Variants in PCDHGA5 observed in about 807,000 individuals in gnomAD.
PCDHGA5 encodes protocadherin gamma subfamily A, 5, also known as protocadherin gamma-A5.
Under a neutral mutation model 56.7 loss-of-function variants are expected in PCDHGA5, and 36 were observed. That is an observed-to-expected ratio of 0.64 (90% CI 0.49 to 0.84). The LOEUF (loss-of-function observed/expected upper bound fraction) is 0.84, where lower values mean the gene tolerates loss of function less well. PCDHGA5 is among the 40% of genes least tolerant of loss of function. The probability of loss-of-function intolerance (pLI) is 0.00; values close to 1 mark genes in which losing one functional copy is unlikely to be tolerated. For synonymous variants in PCDHGA5, 563 were observed against 520.2 expected, an observed-to-expected ratio of 1.08 and a Z score of -1.12; for missense variants, 1,305 against 1,201.5, an observed-to-expected ratio of 1.09 and a Z score of -1.27.
At chr5:141,488,062 T>C (rs1488970442) in intron 1 of PCDHGA5, among the ~76,000 whole-genome samples, 1 of 152,152 alleles carries the variant, frequency 6.6e-6, no homozygotes, top group Non-Finnish European at 1.5e-5. Flanking sequence ...AAATAAAATC[T>C]TTGTCTCCCA....
chr5:141,434,789 T>C (rs2097718008), intron 1 of PCDHGA5, among the ~76,000 whole-genome samples: 1 of 152,008 alleles, frequency 6.6e-6, no homozygotes, highest in African/African-American at 2.4e-5. Context: ...AAAAAATTTT[T>C]TTTTCTGAGC....
intron 1 of PCDHGA5, among the ~76,000 whole-genome samples, chr5:141,381,312 A>G (rs1365514844): frequency 1.3e-5 from 2 of 152,240 alleles, no homozygotes; most frequent in African/African-American, 4.8e-5. Flanking sequence ...ATTCTCTTTT[A>G]TTCTGCAACT....
intron 1 of PCDHGA5, chr5:141,389,176 C>G (rs775758481): frequency 6.2e-7 from 1 of 1,614,064 alleles, no homozygotes; most frequent in South Asian, 1.1e-5. Flanking sequence ...CCTCCCCTCT[C>G]CTCCAGTTCC....
At chr5:141,375,934 C>T in intron 1 of PCDHGA5, 3 of 1,613,738 alleles carry the variant, frequency 1.9e-6, no homozygotes, top group Non-Finnish European at 2.5e-6. Context: ...CAGGACTTTT[C>T]TCAGTGGGCC....
intron 1 of PCDHGA5, chr5:141,371,956 A>G (rs1410520873): frequency 6.2e-7 from 1 of 1,613,272 alleles, no homozygotes; most frequent in South Asian, 1.1e-5. Context: ...CGAGCCTTCG[A>G]CCACGAGCAG....
At chr5:141,394,783 C>A in intron 1 of PCDHGA5, 7 of 1,613,732 alleles carry the variant, frequency 4.3e-6, no homozygotes, top group Non-Finnish European at 5.9e-6. Flanking sequence ...CTCTCCGCCA[C>A]TGTCACGCTC....
Position 141,366,570 on chromosome 5 carries a change from G to A in PCDHGA5, c.2240G>A (p.Arg747Gln), listed in dbSNP as rs373636717. Reference protein sequence around the residue: ...ASHFVGVDGVRAFLQTYSHEV... With the variant: ...ASHFVGVDGVQAFLQTYSHEV... ...CACTTTGTGGGCGTGGATGGGGTTC[G>A]GGCTTTCCTGCAGACCTATTCCCAC... Residue 747 changes from arginine to glutamine, a missense_variant, in exon 1 of 4, where the codon CGG (arginine) becomes CAG (glutamine). By Grantham distance (43) the Arg-to-Gln change is conservative. Transcript: ENST00000518069. The A allele has an allele frequency of 1.2e-6, 2 of 1,614,218 alleles. No individual in the cohort carries two copies. Among genetic ancestry groups the A allele is most frequent in the Non-Finnish European group, 1.7e-6 (2 of 1,180,046 alleles).
At chr5:141,499,606 C>T (rs2099792968) in intron 2 of PCDHGA5, among the ~76,000 whole-genome samples, 1 of 152,028 alleles carries the variant, frequency 6.6e-6, no homozygotes, top group African/African-American at 2.4e-5. Context: ...TATCCCTACC[C>T]TTATCCTGTC....
chr5:141,468,055 T>G (rs2099156893), intron 1 of PCDHGA5, among the ~76,000 whole-genome samples: 1 of 152,096 alleles, frequency 6.6e-6, no homozygotes, highest in Admixed American at 6.5e-5. Flanking sequence ...CCGGGCACAG[T>G]GGCTCACACC....
chr5:141,395,380 T>A, intron 1 of PCDHGA5: 2 of 1,112,040 alleles, frequency 1.8e-6, no homozygotes, highest in Non-Finnish European at 2.5e-6. Flanking sequence ...GTGGTGTTAC[T>A]ATAAAATTGA....
At position 141,487,465 on chromosome 5, in the gene PCDHGA5, T is replaced by C. The variant is rs1354086784; in HGVS notation, c.2422-7342T>C. 1.9e-6 allele frequency: 3 copies of C among 1,614,194 alleles called. No individual in the cohort carries two copies. The highest frequency in any genetic ancestry group is 1.7e-6 in the Non-Finnish European group (2 of 1,180,020). Reference sequence around the variant, plus strand: ...CAGATGACCCTATCAAGTTTGTTGATGTGGGAGGCCACTCTCATGGCTGTA... The same window carrying C: ...CAGATGACCCTATCAAGTTTGTTGACGTGGGAGGCCACTCTCATGGCTGTA... On this transcript the variant is annotated intron_variant, in intron 1 of 3. Transcript: ENST00000518069. The surrounding 1 kb of genome is among the most constrained non-coding windows in gnomAD (Gnocchi z 5.0).
chr5:141,388,842 A>C, intron 1 of PCDHGA5: 1 of 1,614,014 alleles, frequency 6.2e-7, no homozygotes, highest in Non-Finnish European at 8.5e-7. Flanking sequence ...TTTGGAAGCA[A>C]GGGACGGTGG....
chr5:141,441,836 C>T (rs1026890754), intron 1 of PCDHGA5: 2 of 354,006 alleles, frequency 5.6e-6, no homozygotes, highest in Non-Finnish European at 1.1e-5. Flanking sequence ...AATGGCTTCG[C>T]GCTCTTGGAT....
intron 1 of PCDHGA5, among the ~76,000 whole-genome samples, chr5:141,474,142 T>G (rs2099344082): frequency 6.6e-6 from 1 of 152,212 alleles, no homozygotes; most frequent in African/African-American, 2.4e-5. Flanking sequence ...ACAGGCCTTA[T>G]TATCAAGAAA....
rs781026604 is a variant in PCDHGA5, at chr5:141,490,471, C to G, written c.2422-4336C>G. ...CCACTACTCGCTGCTAACCAGCCAG[C>G]CTTTGGACCGGGAGGCCACATCCCA... On this transcript the variant is annotated intron_variant, in intron 1 of 3. Coordinates refer to ENST00000518069, the MANE Select transcript of PCDHGA5 (RefSeq NM_018918.3). The surrounding 1 kb of genome is among the most constrained non-coding windows in gnomAD (Gnocchi z 5.4). 12 of 1,614,096 alleles carry G rather than the reference C, an allele frequency of 7.4e-6. No homozygotes were observed. The highest frequency in any genetic ancestry group is 1.1e-5 in the South Asian group (1 of 91,092).
chr5:141,426,754 T>C, intron 1 of PCDHGA5: 1 of 456,314 alleles, frequency 2.2e-6, no homozygotes, highest in Non-Finnish European at 4.4e-6. Context: ...GAATCTGCTA[T>C]AGATGCAGAT....
In PCDHGA5 at chr5:141,364,524, G is replaced by T. The variant is rs773568307; in HGVS notation, c.194G>T (p.Arg65Leu). The T allele has an allele frequency of 1.3e-5, 21 of 1,613,938 alleles. No individual in the cohort carries two copies. The highest frequency in any genetic ancestry group is 1.7e-5 in the Non-Finnish European group (20 of 1,179,924). The change falls in exon 1 of 4, where the codon CGC (arginine) becomes CTC (leucine). Residue 65 changes from arginine (R) to leucine (L), a missense_variant. Transcript: ENST00000518069. Reference sequence around the variant, plus strand: ...CAGGAGCTGGCGGAGCGCGGAGTCCGCATCGTCTCCAGAGGTAGGACGCAG... The same window carrying T: ...CAGGAGCTGGCGGAGCGCGGAGTCCTCATCGTCTCCAGAGGTAGGACGCAG... ...EPQELAERGV[R>L]IVSRGRTQLF...
intron 1 of PCDHGA5, 96 bp from the exon 2 acceptor site, chr5:141,494,711 A>T (rs757105958): frequency 6.3e-7 from 1 of 1,599,616 alleles, no homozygotes; most frequent in Non-Finnish European, 8.5e-7. Context: ...CTCTGTGCCC[A>T]CTCCCCTCCT....
intron 1 of PCDHGA5, chr5:141,371,505 A>G: frequency 6.2e-7 from 1 of 1,613,908 alleles, no homozygotes; most frequent in Non-Finnish European, 8.5e-7. Flanking sequence ...CCTGATCAAA[A>G]CACATGATCT....
Sources: gnomAD v4.1 joint callset for allele counts (sites outside exome capture counted in the v4.1 genomes callset) on GRCh38, gnomAD v4.1.1 for gene constraint, Gnocchi (gnomAD v3.1) non-coding constraint, MANE v1.5 for transcripts, NCBI Gene and HGNC (gene_info 2026-07-23, HGNC 2026-07-21) for gene names.